BRD10: variants seen among roughly 807,000 people sequenced by gnomAD.
BRD10 encodes uncharacterized bromodomain-containing protein 10.
chr9:5,899,707 G>C, the BRD10 span, among the ~76,000 whole-genome samples: 1 of 152,174 alleles, frequency 6.6e-6, no homozygotes, highest in Non-Finnish European at 1.5e-5. Flanking sequence ...CTTGTAATTG[G>C]CTATTTACTT....
At chr9:6,007,168 G>A in the BRD10 span, 1 of 1,600,520 alleles carries the variant, frequency 6.2e-7, no homozygotes, top group Non-Finnish European at 8.5e-7. Flanking sequence ...CAGTCTGTCA[G>A]TCCCACCGGG....
the BRD10 span, among the ~76,000 whole-genome samples, chr9:5,966,001 A>G: frequency 1.3e-5 from 2 of 152,220 alleles, no homozygotes; most frequent in Admixed American, 1.3e-4. Flanking sequence ...GAATTGGCCA[A>G]TGTTTACCCA....
chr9:5,976,079 T>C, the BRD10 span, among the ~76,000 whole-genome samples: 1 of 152,194 alleles, frequency 6.6e-6, no homozygotes, highest in South Asian at 2.1e-4. Context: ...CCAGAAGAAA[T>C]AGCTAAAAGT....
chr9:5,968,578 T>C, the BRD10 span: 1 of 1,613,944 alleles, frequency 6.2e-7, no homozygotes, highest in African/African-American at 1.3e-5. Context: ...CCAAGATCAT[T>C]TTAGCAGGAC....
the BRD10 span, among the ~76,000 whole-genome samples, chr9:5,989,395 C>T: frequency 6.7e-6 from 1 of 148,348 alleles, no homozygotes; most frequent in African/African-American, 2.5e-5. Context: ...CGTACCACTC[C>T]ACTCCAGCCT....
the BRD10 span, among the ~76,000 whole-genome samples, chr9:5,989,606 G>A: frequency 6.8e-6 from 1 of 147,610 alleles, no homozygotes; most frequent in East Asian, 2.0e-4. Context: ...GTATGATCCT[G>A]CAGCTTCAAC....
chr9:5,946,766 G>A, the BRD10 span, among the ~76,000 whole-genome samples: 13 of 151,996 alleles, frequency 8.6e-5, no homozygotes, highest in African/African-American at 2.7e-4. Flanking sequence ...AAGGAATAGG[G>A]TATATTTTGC....
chr9:5,932,111 A>G, the BRD10 span, among the ~76,000 whole-genome samples: 1 of 152,210 alleles, frequency 6.6e-6, no homozygotes, highest in Non-Finnish European at 1.5e-5. Context: ...TATAAAAGAA[A>G]TGAGATGATA....
chr9:5,944,897 C>T, the BRD10 span: 1 of 1,542,484 alleles, frequency 6.5e-7, no homozygotes, highest in Non-Finnish European at 8.8e-7. Context: ...TTTTCCAGAT[C>T]TTTGAGTTCA....
the BRD10 span, among the ~76,000 whole-genome samples, chr9:5,892,831 A>C: frequency 1.3e-5 from 2 of 152,168 alleles, no homozygotes; most frequent in African/African-American, 4.8e-5. Flanking sequence ...TAGGTTCCCA[A>C]GTGGAAAAAC....
chr9:5,954,277 G>T, the BRD10 span, among the ~76,000 whole-genome samples: 4 of 152,100 alleles, frequency 2.6e-5, no homozygotes, highest in Admixed American at 2.6e-4. Context: ...TTAACTACCT[G>T]TTAACAGACA....
chr9:5,953,782 A>C, the BRD10 span, among the ~76,000 whole-genome samples: 20 of 152,044 alleles, frequency 1.3e-4, no homozygotes, highest in African/African-American at 4.8e-4. Context: ...AGAGATTAAG[A>C]TATAAAAAAG....
the BRD10 span, among the ~76,000 whole-genome samples, chr9:5,937,673 G>A: frequency 6.6e-6 from 1 of 152,228 alleles, no homozygotes; most frequent in Non-Finnish European, 1.5e-5. Context: ...CCTGCCTGAT[G>A]TAAAACCAAT....
At chr9:5,898,930 TTTC>T in the BRD10 span, 2 of 152,222 alleles carry the variant, frequency 1.3e-5, no homozygotes, top group African/African-American at 2.4e-5. Context: ...ATAGTATTTT[TTTC>T]TTCTTTACCC....
At chr9:5,890,602 T>C in the BRD10 span, among the ~76,000 whole-genome samples, 2 of 152,206 alleles carry the variant, frequency 1.3e-5, no homozygotes, top group Admixed American at 1.3e-4. Flanking sequence ...CCATGAATTT[T>C]AAATCATTAT....
At chr9:6,005,597 A>G in the BRD10 span, among the ~76,000 whole-genome samples, 1 of 152,222 alleles carries the variant, frequency 6.6e-6, no homozygotes, top group Non-Finnish European at 1.5e-5. Context: ...ACTTTCATTC[A>G]GTCATTCTCT....
the BRD10 span, among the ~76,000 whole-genome samples, chr9:5,893,740 C>T: frequency 7.9e-5 from 12 of 152,036 alleles, no homozygotes. Context: ...AAGGCCTGTT[C>T]GTTTTCTTCT....
At chr9:5,979,743 T>G in the BRD10 span, among the ~76,000 whole-genome samples, 16 of 152,130 alleles carry the variant, frequency 1.1e-4, no homozygotes, top group African/African-American at 3.9e-4. Flanking sequence ...ATAGCCGGTA[T>G]GGTGGCTCAC....
chr9:5,996,534 T>C, the BRD10 span, among the ~76,000 whole-genome samples: 2 of 152,156 alleles, frequency 1.3e-5, no homozygotes, highest in Admixed American at 6.6e-5. Context: ...TCTCACCACA[T>C]TGGCCAGGCT....
Sources: allele counts gnomAD v4.1 joint callset (sites outside exome capture counted in the v4.1 genomes callset), GRCh38; gene constraint gnomAD v4.1.1; transcripts MANE v1.5; gene names NCBI Gene and HGNC (gene_info 2026-07-23, HGNC 2026-07-21).